The following EBF1 variants were observed in gnomAD, a reference collection of about 807,000 sequenced individuals.
EBF1 encodes transcription factor COE1.
Under a neutral mutation model 68.4 loss-of-function variants are expected in EBF1, and 10 were observed. The ratio of observed to expected loss-of-function variants is 0.15; its 90% CI spans 0.09 to 0.25. The LOEUF is 0.25. EBF1 is among the 10% of genes least tolerant of loss of function. The probability of loss-of-function intolerance (pLI) is 1.00; values close to 1 mark genes in which losing one functional copy is unlikely to be tolerated. For missense variants in EBF1, 509 were observed against 794.4 expected (o/e 0.64, Z 4.32); for synonymous variants, 298 against 299.8 (o/e 0.99, Z 0.06).
intron 6 of EBF1, among the ~76,000 whole-genome samples, chr5:158,930,342 C>T (rs1332181464): frequency 6.6e-6 from 1 of 150,558 alleles, no homozygotes; most frequent in Non-Finnish European, 1.5e-5. Flanking sequence ...AGGAACAGAA[C>T]AAAAATGAGC....
intron 6 of EBF1, among the ~76,000 whole-genome samples, chr5:159,017,100 A>C (rs933709268): frequency 6.6e-6 from 1 of 150,606 alleles, no homozygotes. Context: ...TTGACATGTA[A>C]GCAATATTAA....
At chr5:159,065,246 T>A (rs80189472) in intron 6 of EBF1, among the ~76,000 whole-genome samples, 1 of 152,144 alleles carries the variant, frequency 6.6e-6, no homozygotes, top group Middle Eastern at 3.2e-3. Flanking sequence ...CATGGTTGCT[T>A]CAGGAAGGTG....
chr5:158,815,612 C>A (rs1582149171), intron 8 of EBF1, among the ~76,000 whole-genome samples: 1 of 152,218 alleles, frequency 6.6e-6, no homozygotes, highest in East Asian at 1.9e-4. Context: ...AAAGTCTGAG[C>A]ACTATTTCTC....
intron 6 of EBF1, among the ~76,000 whole-genome samples, chr5:158,944,120 A>C (rs943476025): frequency 6.6e-6 from 1 of 152,164 alleles, no homozygotes; most frequent in African/African-American, 2.4e-5. Context: ...TGTGCAGAAC[A>C]TGCAGGTTTG....
intron 6 of EBF1, among the ~76,000 whole-genome samples, chr5:158,946,773 AAGCTGCACCCAC>A (rs1814818465): frequency 6.6e-6 from 1 of 152,166 alleles, no homozygotes; most frequent in South Asian, 2.1e-4. Flanking sequence ...AAGTCTGCTG[AAGCTGCACCCAC>A]AGCTGCCCCT....
chr5:158,835,694 C>T (rs1788621735), intron 7 of EBF1, among the ~76,000 whole-genome samples: 1 of 151,896 alleles, frequency 6.6e-6, no homozygotes, highest in African/African-American at 2.4e-5. Flanking sequence ...TGTTGTTGTT[C>T]CAAAACATCA....
intron 4 of EBF1, among the ~76,000 whole-genome samples, chr5:159,092,276 T>C (rs1026161729): frequency 6.6e-6 from 1 of 152,192 alleles, no homozygotes; most frequent in Non-Finnish European, 1.5e-5. Context: ...AAACAAACTA[T>C]TTTTAGTCCA....
chr5:158,742,780 C>A (rs1766699140), intron 10 of EBF1, among the ~76,000 whole-genome samples: 2 of 152,094 alleles, frequency 1.3e-5, no homozygotes, highest in African/African-American at 4.8e-5. Context: ...CAAATATTAC[C>A]CTGAAAATGA....
chr5:158,948,798 G>A (rs1010224761), intron 6 of EBF1, among the ~76,000 whole-genome samples: 2 of 152,166 alleles, frequency 1.3e-5, no homozygotes, highest in African/African-American at 2.4e-5. Flanking sequence ...GATGGTTATC[G>A]ACATTAGAAA....
At position 158,960,189 on chromosome 5, in the gene EBF1, G is replaced by C. The variant is rs565756105; in HGVS notation, c.554+113207C>G. Among the ~76,000 whole-genome samples the C allele has an allele frequency of 1.7e-3, 265 of 152,292 alleles. 1 individual carries two copies. Among genetic ancestry groups the C allele is most frequent in the African/African-American group, 6.2e-3 (256 of 41,564 alleles). On this transcript the variant is annotated intron_variant, in intron 6 of 15. Coordinates refer to ENST00000313708, the MANE Select transcript of EBF1 (RefSeq NM_024007.5). ...TTTTAATAAGGGCTATAGTCATATTGTAAGTATCAGTGGAATATCTACCCT... is the reference window on the plus strand; with the variant it reads ...TTTTAATAAGGGCTATAGTCATATTCTAAGTATCAGTGGAATATCTACCCT...
At chr5:159,066,603 CCCCT>C (rs1776848859) in intron 6 of EBF1, among the ~76,000 whole-genome samples, 1 of 148,338 alleles carries the variant, frequency 6.7e-6, no homozygotes, top group Non-Finnish European at 1.5e-5. Context: ...TTGCATGACT[CCCCT>C]CCCTATTAGG....
At chr5:158,701,069 A>G (rs1336768921) in intron 15 of EBF1, among the ~76,000 whole-genome samples, 2 of 152,192 alleles carry the variant, frequency 1.3e-5, no homozygotes, top group East Asian at 3.9e-4. Context: ...ACAGCCCAGC[A>G]TGGCTCTGCC....
intron 1 of EBF1, among the ~76,000 whole-genome samples, chr5:159,099,027 T>C (rs980938231): frequency 4.0e-5 from 6 of 151,818 alleles, no homozygotes; most frequent in African/African-American, 1.5e-4. Flanking sequence ...CATAAAAACA[T>C]AAAACACAGA....
chr5:158,745,111 T>A (rs2127578731), intron 10 of EBF1, among the ~76,000 whole-genome samples: 1 of 152,332 alleles, frequency 6.6e-6, no homozygotes, highest in East Asian at 1.9e-4. Flanking sequence ...GTCTTAATAT[T>A]GGTCCCCAGC....
At chr5:159,083,007 A>G (rs1779992173) in intron 5 of EBF1, among the ~76,000 whole-genome samples, 1 of 152,242 alleles carries the variant, frequency 6.6e-6, no homozygotes, top group Non-Finnish European at 1.5e-5. Context: ...AAGGCATAAT[A>G]TATCTTTAAA....
At chr5:158,908,898 G>C (rs755375439) in intron 6 of EBF1, among the ~76,000 whole-genome samples, 1 of 152,120 alleles carries the variant, frequency 6.6e-6, no homozygotes. Flanking sequence ...CTGTCCAGCC[G>C]GGCTGTGGTC....
chr5:158,787,182 T>C (rs1024771443), intron 9 of EBF1, among the ~76,000 whole-genome samples: 3 of 152,242 alleles, frequency 2.0e-5, no homozygotes, highest in Non-Finnish European at 4.4e-5. Context: ...ATATATATCC[T>C]GCTGTTTTAA....
At chr5:158,972,870 G>A (rs1755924469) in intron 6 of EBF1, among the ~76,000 whole-genome samples, 1 of 152,168 alleles carries the variant, frequency 6.6e-6, no homozygotes, top group African/African-American at 2.4e-5. Context: ...CTCCCTGCAG[G>A]GCCTCACACT....
chr5:158,917,842 A>T (rs1032255730), intron 6 of EBF1, among the ~76,000 whole-genome samples: 1 of 152,196 alleles, frequency 6.6e-6, no homozygotes, highest in African/African-American at 2.4e-5. Flanking sequence ...GGGAAGTTAA[A>T]TAAGTTTCCT....
Sources: gnomAD v4.1 joint callset for allele counts (sites outside exome capture counted in the v4.1 genomes callset) on GRCh38, gnomAD v4.1.1 for gene constraint, MANE v1.5 for transcripts, NCBI Gene and HGNC (gene_info 2026-07-23, HGNC 2026-07-21) for gene names.